NR6A1: variants seen among roughly 807,000 people sequenced by gnomAD.
NR6A1 encodes the protein nuclear receptor subfamily 6 group A member 1.
In NR6A1, 7 loss-of-function variants were observed where a neutral mutation model predicts 59.1. That is an observed-to-expected ratio of 0.12 (90% CI 0.07 to 0.22). The LOEUF is 0.22. NR6A1 is among the 10% of genes least tolerant of loss of function. NR6A1 has a pLI of 1.00. For synonymous variants in NR6A1, 243 were observed against 236.1 expected (o/e 1.03, Z -0.27); for missense variants, 468 against 611.6 (o/e 0.77, Z 2.48).
At chr9:124,530,148 C>A (rs1370327585) in intron 7 of NR6A1, among the ~76,000 whole-genome samples, 1 of 152,172 alleles carries the variant, frequency 6.6e-6, no homozygotes, top group Non-Finnish European at 1.5e-5. Flanking sequence ...ACCTGAGGGA[C>A]ACAAAGGAGT....
chr9:124,566,950 TA>T (rs1834264055), intron 2 of NR6A1, among the ~76,000 whole-genome samples: 1 of 151,348 alleles, frequency 6.6e-6, no homozygotes, highest in Admixed American at 6.6e-5. Context: ...CTACTAAAAA[TA>T]CAAAAAATTA....
chr9:124,708,435 TG>T (rs1666893964), intron 2 of NR6A1, among the ~76,000 whole-genome samples: 1 of 152,224 alleles, frequency 6.6e-6, no homozygotes, highest in African/African-American at 2.4e-5. Context: ...TTGCTGTTTT[TG>T]AAAATTTGGG....
In NR6A1 at chr9:124,622,109, C is replaced by T. The variant is rs184119740; in HGVS notation, c.143-67539G>A. On this transcript the variant is annotated intron_variant, in intron 2 of 9. Coordinates refer to ENST00000487099, the MANE Select transcript of NR6A1 (RefSeq NM_033334.4). The stretch of plus-strand genomic sequence containing the variant: ...CATGCAGCTGTGGTCCCAGCTACTT[C>T]GCAGGCTGAGGTGAGAGGATCGCTT... Among the ~76,000 whole-genome samples the T allele has an allele frequency of 1.1e-3, 169 of 152,218 alleles. No individual in the cohort carries two copies. In the Middle Eastern group the frequency reaches 0.014, roughly 12 times the overall value.
chr9:124,615,866 G>A (rs1191221758), intron 2 of NR6A1, among the ~76,000 whole-genome samples: 3 of 151,764 alleles, frequency 2.0e-5, no homozygotes, highest in Non-Finnish European at 4.4e-5. Context: ...ACAGAGTCTC[G>A]CTCTGTAGCC....
At chr9:124,533,060 C>T (rs1833145354) in intron 7 of NR6A1, among the ~76,000 whole-genome samples, 1 of 152,168 alleles carries the variant, frequency 6.6e-6, no homozygotes, top group South Asian at 2.1e-4. Flanking sequence ...GCCAGAGAAC[C>T]CTGTACTGCC....
intron 2 of NR6A1, among the ~76,000 whole-genome samples, chr9:124,606,141 G>A (rs1277066115): frequency 6.6e-6 from 1 of 152,056 alleles, no homozygotes; most frequent in Non-Finnish European, 1.5e-5. Flanking sequence ...TCAGCAAATA[G>A]TGCTATTTGC....
intron 2 of NR6A1, among the ~76,000 whole-genome samples, chr9:124,661,664 C>T (rs1470290210): frequency 6.6e-6 from 1 of 152,162 alleles, no homozygotes; most frequent in African/African-American, 2.4e-5. Flanking sequence ...AACCTTTAAG[C>T]TACCAACAAT....
intron 4 of NR6A1, among the ~76,000 whole-genome samples, chr9:124,541,089 C>T (rs1288148094): frequency 6.6e-6 from 1 of 152,118 alleles, no homozygotes; most frequent in Non-Finnish European, 1.5e-5. Flanking sequence ...TTCTTGGATA[C>T]AACACCAAAA....
chr9:124,761,054 T>C (rs1840773629), intron 1 of NR6A1, among the ~76,000 whole-genome samples: 1 of 152,194 alleles, frequency 6.6e-6, no homozygotes, highest in African/African-American at 2.4e-5. Context: ...ACTTCAAGGG[T>C]ACAGAAAGAA....
At chr9:124,762,092 C>A (rs1840798181) in intron 1 of NR6A1, among the ~76,000 whole-genome samples, 1 of 152,162 alleles carries the variant, frequency 6.6e-6, no homozygotes, top group African/African-American at 2.4e-5. Context: ...TCACCATCTT[C>A]TTTACACATT....
At chr9:124,528,085 A>C (rs1832990739) in intron 7 of NR6A1, among the ~76,000 whole-genome samples, 1 of 152,234 alleles carries the variant, frequency 6.6e-6, no homozygotes, top group African/African-American at 2.4e-5. Flanking sequence ...GTGCCAAGCC[A>C]AGAAGGCCCT....
intron 2 of NR6A1, among the ~76,000 whole-genome samples, chr9:124,592,543 G>A (rs1201340650): frequency 6.6e-6 from 1 of 152,204 alleles, no homozygotes; most frequent in Non-Finnish European, 1.5e-5. Flanking sequence ...ACCGATTAGA[G>A]ATGGGTTAAA....
At chr9:124,559,771 C>T (rs992500162) in intron 2 of NR6A1, among the ~76,000 whole-genome samples, 6 of 151,906 alleles carry the variant, frequency 3.9e-5, no homozygotes, top group African/African-American at 7.3e-5. Flanking sequence ...AACAAGACTC[C>T]GTCAAAAAAG....
rs544367153 is a variant in NR6A1 at position 124,654,110 on chromosome 9, C to A, written c.142+79198G>T. On this transcript the variant is annotated intron_variant, in intron 2 of 9. Coordinates refer to ENST00000487099, the MANE Select transcript of NR6A1 (RefSeq NM_033334.4). Reference sequence around the variant, plus strand: ...AGGGCAATGAAACCAATGTTAGCCCCAAAATGGTTATAAAAGAAATATGAT... The same window carrying A: ...AGGGCAATGAAACCAATGTTAGCCCAAAAATGGTTATAAAAGAAATATGAT... 6.0e-4 allele frequency among the ~76,000 whole-genome samples: 91 copies of A among 152,272 alleles called. 1 individual carries two copies. In the South Asian group the frequency reaches 0.018, roughly 30 times the overall value.
intron 2 of NR6A1, among the ~76,000 whole-genome samples, chr9:124,630,694 T>TTTTG (rs1836411883): frequency 6.8e-6 from 1 of 146,584 alleles, no homozygotes; most frequent in African/African-American, 2.6e-5. Context: ...TTTTTTTTTT[T>TTTTG]TGAGACAGAG....
At chr9:124,638,560 A>G (rs1836683977) in intron 2 of NR6A1, among the ~76,000 whole-genome samples, 1 of 152,162 alleles carries the variant, frequency 6.6e-6, no homozygotes, top group Non-Finnish European at 1.5e-5. Context: ...ACCAAAATTC[A>G]CTAGTGCAAT....
rs540233670 is a variant in NR6A1 at position 124,544,160 on chromosome 9, G to A, written c.386-303C>T. ...CCTTCAGTTACAAACATCCTGCCAG[G>A]ATGATGCATCTTAAGGTTTTGACAA... On this transcript the variant is annotated intron_variant, in intron 3 of 9. Transcript: ENST00000487099. Among the ~76,000 whole-genome samples, 7 of 152,346 alleles carry A rather than the reference G, an allele frequency of 4.6e-5. No individual in the cohort carries two copies. In the South Asian group the frequency reaches 1.5e-3, roughly 32 times the overall value.
At chr9:124,560,143 G>C (rs1277741256) in intron 2 of NR6A1, among the ~76,000 whole-genome samples, 1 of 152,138 alleles carries the variant, frequency 6.6e-6, no homozygotes, top group Non-Finnish European at 1.5e-5. Context: ...AATCCTCCCT[G>C]CCACCTCCTA....
intron 1 of NR6A1, among the ~76,000 whole-genome samples, chr9:124,760,816 G>C (rs546454696): frequency 6.6e-6 from 1 of 152,346 alleles, no homozygotes; most frequent in East Asian, 1.9e-4. Context: ...AAGTCGCATA[G>C]CTGTGATCTT....
Sources: gnomAD v4.1 joint callset for allele counts (sites outside exome capture counted in the v4.1 genomes callset) on GRCh38, gnomAD v4.1.1 for gene constraint, MANE v1.5 for transcripts, NCBI Gene and HGNC (gene_info 2026-07-23, HGNC 2026-07-21) for gene names.